The following SLC22A12 variants were observed in gnomAD, a reference collection of about 807,000 sequenced individuals.
SLC22A12 encodes the protein solute carrier family 22 member 12, also known as organic anion transporter 4-like protein.
In SLC22A12, 56 loss-of-function variants were observed where a neutral mutation model predicts 52.7. The ratio of observed to expected loss-of-function variants is 1.06; its 90% CI spans 0.86 to 1.33. The LOEUF is 1.33. Ranked by LOEUF, SLC22A12 falls within the 40% of genes most tolerant of loss-of-function variation. The pLI is 0.00. For missense variants in SLC22A12, 683 were observed against 741.5 expected, an observed-to-expected ratio of 0.92 and a Z score of 0.92; for synonymous variants, 337 against 324.6, an observed-to-expected ratio of 1.04 and a Z score of -0.41.
At position 64,593,622 on chromosome 11, in the gene SLC22A12, G is replaced by A. The variant is rs375204618; in HGVS notation, c.662-13G>A. On this transcript the variant is annotated splice_polypyrimidine_tract_variant and intron_variant, in intron 3 of 9. Coordinates refer to ENST00000377574, the MANE Select transcript of SLC22A12 (RefSeq NM_144585.4). ...TGCAGGCTCCAGGGCTGAACCACTCGGTCTCCTTGCAGTGATGGAGTGGAC... is the reference window on the plus strand; with the variant it reads ...TGCAGGCTCCAGGGCTGAACCACTCAGTCTCCTTGCAGTGATGGAGTGGAC... 9.9e-6 allele frequency: 16 copies of A among 1,614,058 alleles called. No homozygotes were observed. Among genetic ancestry groups the A allele is most frequent in the African/African-American group, 8.0e-5 (6 of 74,946 alleles).
In SLC22A12 at chr11:64,593,786, C is replaced by T. The variant is rs200680754; in HGVS notation, c.813C>T (p.Leu271=). The T allele has an allele frequency of 1.2e-6, 2 of 1,607,612 alleles. No homozygotes were observed. Among genetic ancestry groups the T allele is most frequent in the East Asian group, 4.5e-5 (2 of 44,880 alleles). ...LQLVVSVPFF[L]CFLYSWWLAE... ...TGGTGGTCTCGGTCCCCTTCTTCCT[C>T]TGCTTTTTGTACTCCTGGTGGGTGC... The change falls in exon 4 of 10, where the codon CTC becomes CTT. Residue 271 remains leucine, a synonymous_variant. Transcript: ENST00000377574.
chr11:64,599,679 C>T lies in SLC22A12; in HGVS notation c.1074C>T (p.Phe358=), dbSNP rs1241081236. 9.0e-6 allele frequency: 13 copies of T among 1,440,096 alleles called. No individual in the cohort carries two copies. Among genetic ancestry groups the T allele is most frequent in the East Asian group, 3.4e-5 (1 of 29,268 alleles). The allele number at this position is 1,440,096 out of a possible 1,614,324, so 89.2% of individuals were successfully genotyped here. Reference sequence around the variant, plus strand: ...ACTTCCCTGACCCCTGCCCCAGGTTCGCCTTTGGCTTCACCTTCTTCGGCC... The same window carrying T: ...ACTTCCCTGACCCCTGCCCCAGGTTTGCCTTTGGCTTCACCTTCTTCGGCC... The part of the protein sequence containing the change: ...FRTCISTLCW[F]AFGFTFFGLA... The change falls in exon 7 of 10, where the codon TTC becomes TTT. Residue 358 remains phenylalanine (F), a synonymous_variant. Transcript: ENST00000377574.
chr11:64,593,362 G>A (rs1419109262), intron 2 of SLC22A12, 43 bp from the exon 3 acceptor site: 20 of 1,613,280 alleles, frequency 1.2e-5, no homozygotes, highest in East Asian at 4.5e-5. Context: ...GGCCTGTGCC[G>A]TGGCAAGCCA....
intron 1 of SLC22A12, 79 bp downstream of exon 1, chr11:64,592,037 T>C: frequency 6.4e-7 from 1 of 1,558,636 alleles, no homozygotes; most frequent in Middle Eastern, 1.7e-4. Context: ...GACTCAAAGG[T>C]CCAGTCCTGG....
chr11:64,597,977 C>A (rs1162791415), intron 4 of SLC22A12, among the ~76,000 whole-genome samples: 1 of 152,072 alleles, frequency 6.6e-6, no homozygotes, highest in African/African-American at 2.4e-5. Context: ...CTGTTGGGGA[C>A]CCTGGTCCCA....
At position 64,600,785 on chromosome 11, in the gene SLC22A12, TG is replaced by T; in HGVS notation, c.1449del (p.Pro484LeufsTer24). The stretch of plus-strand genomic sequence containing the variant: ...ATGGCAGCCCGTGGAGGAGCCATCC[TG>T]GGGCCTCTGGTCCGGCTGCTGGGTG... The part of the protein sequence containing the change: ...GQMAARGGAI[L>X]GPLVRLLGVH... On this transcript the variant is annotated frameshift_variant, in exon 9 of 10. Coordinates refer to ENST00000377574, the MANE Select transcript of SLC22A12 (RefSeq NM_144585.4). LOFTEE classifies it high-confidence loss of function. 2 of 1,605,746 alleles carry T rather than the reference TG, an allele frequency of 1.2e-6. No homozygotes were observed. Among genetic ancestry groups the T allele is most frequent in the Non-Finnish European group, 8.5e-7 (1 of 1,179,906 alleles).
intron 4 of SLC22A12, among the ~76,000 whole-genome samples, chr11:64,597,652 G>A (rs1450096099): frequency 6.6e-6 from 1 of 152,208 alleles, no homozygotes; most frequent in Non-Finnish European, 1.5e-5. Flanking sequence ...GGTGGGTGTA[G>A]GGCAGGTGGC....
intron 2 of SLC22A12, 139 bp from the exon 3 acceptor site, chr11:64,593,266 G>A: frequency 7.4e-7 from 1 of 1,344,524 alleles, no homozygotes; most frequent in Non-Finnish European, 1.1e-6. Context: ...GGTGGAGAAT[G>A]TAGGTTTCAC....
chr11:64,598,480 C>T (rs2039325574), intron 4 of SLC22A12, 36 bp from the exon 5 acceptor site: 3 of 1,553,550 alleles, frequency 1.9e-6, no homozygotes, highest in Non-Finnish European at 2.6e-6. Flanking sequence ...CTGGGGGCCA[C>T]AGGCAATGAC....
intron 4 of SLC22A12, among the ~76,000 whole-genome samples, chr11:64,597,300 C>T (rs1390988053): frequency 6.6e-6 from 1 of 152,100 alleles, no homozygotes; most frequent in Non-Finnish European, 1.5e-5. Flanking sequence ...TGCCTGCAGC[C>T]CCAGCTCCCT....
chr11:64,592,931 C>A (rs1451158590), intron 2 of SLC22A12, 49 bp downstream of exon 2: 1 of 1,521,958 alleles, frequency 6.6e-7, no homozygotes, highest in East Asian at 2.2e-5. Flanking sequence ...ACAACCCCTG[C>A]TCTCCTAGGA....
At chr11:64,596,468 C>T (rs954911747) in intron 4 of SLC22A12, among the ~76,000 whole-genome samples, 2 of 152,028 alleles carry the variant, frequency 1.3e-5, no homozygotes, top group African/African-American at 2.4e-5. Context: ...GATGGATGGA[C>T]GGAGGCCATT....
intron 4 of SLC22A12, among the ~76,000 whole-genome samples, chr11:64,596,414 T>A: frequency 6.6e-6 from 1 of 151,844 alleles, no homozygotes. Context: ...GTTGAATGGA[T>A]GGATAGGTGG....
intron 5 of SLC22A12, 53 bp from the exon 6 acceptor site, chr11:64,598,755 G>A: frequency 5.0e-6 from 8 of 1,610,100 alleles, no homozygotes; most frequent in Non-Finnish European, 5.9e-6. Context: ...TCTCAGAGAG[G>A]AGGAGGTGCC....
chr11:64,598,087 G>T (rs2039311739), intron 4 of SLC22A12, among the ~76,000 whole-genome samples: 2 of 152,074 alleles, frequency 1.3e-5, no homozygotes, highest in Non-Finnish European at 2.9e-5. Flanking sequence ...CAGGACAGGG[G>T]TGGACCCCAG....
chr11:64,592,680 A>C (rs771246453), intron 1 of SLC22A12, 99 bp from the exon 2 acceptor site: 361 of 964,200 alleles, frequency 3.7e-4, no homozygotes, highest in Non-Finnish European at 5.9e-4. Flanking sequence ...CAGACCACCC[A>C]CCGCACCCAG....
rs771298905 is a variant in SLC22A12 at position 64,593,740 on chromosome 11, G to A, written c.767G>A (p.Arg256Gln). Reference protein sequence around the residue: ...GLTAAVAYGVRDWTLLQLVVS... With the variant: ...GLTAAVAYGVQDWTLLQLVVS... ...ACAGCTGCAGTGGCCTACGGTGTGC[G>A]GGACTGGACACTGCTGCAGCTGGTG... The change falls in exon 4 of 10, where the codon CGG becomes CAG. Residue 256 changes from arginine (R) to glutamine (Q), a missense_variant. Transcript: ENST00000377574. 26 of 1,613,412 alleles carry A rather than the reference G, an allele frequency of 1.6e-5. No homozygotes were observed. The Admixed American group carries it at 1.7e-4, about 10-fold the overall frequency.
intron 4 of SLC22A12, among the ~76,000 whole-genome samples, chr11:64,595,475 AGAT>A (rs2039134159): frequency 8.2e-6 from 1 of 122,170 alleles, no homozygotes; most frequent in Non-Finnish European, 1.7e-5. Flanking sequence ...TGTTTGGAAT[AGAT>A]GGATGGATGG....
intron 4 of SLC22A12, among the ~76,000 whole-genome samples, chr11:64,594,217 C>A (rs1452455222): frequency 1.3e-5 from 2 of 152,240 alleles, no homozygotes; most frequent in Non-Finnish European, 2.9e-5. Flanking sequence ...ACAACACATG[C>A]CCGCACACAC....
Sources: allele counts gnomAD v4.1 joint callset (sites outside exome capture counted in the v4.1 genomes callset), GRCh38; gene constraint gnomAD v4.1.1; transcripts MANE v1.5; gene names NCBI Gene and HGNC (gene_info 2026-07-23, HGNC 2026-07-21).